Variants in TRDMT1 observed in about 807,000 individuals in gnomAD.
TRDMT1 encodes tRNA aspartic acid methyltransferase 1, also known as tRNA (cytosine(38)-C(5))-methyltransferase.
Under a neutral mutation model 51.2 loss-of-function variants are expected in TRDMT1, and 49 were observed. That is an observed-to-expected ratio of 0.96 (90% CI 0.76 to 1.21). The LOEUF is 1.21. Among genes scored for constraint, TRDMT1 ranks in the 50% most tolerant of loss-of-function variants. TRDMT1 has a pLI of 0.00. For missense variants in TRDMT1, 534 were observed against 462.3 expected, an observed-to-expected ratio of 1.16 and a Z score of -1.42; for synonymous variants, 187 against 164.6, an observed-to-expected ratio of 1.14 and a Z score of -1.04.
chr10:17,181,539 A>G (rs956808755), intron 1 of TRDMT1, among the ~76,000 whole-genome samples: 2 of 151,926 alleles, frequency 1.3e-5, no homozygotes, highest in African/African-American at 2.4e-5. Context: ...CCTAAAATCA[A>G]CTCCAGATTA....
At chr10:17,174,309 T>A (rs1564308744) in intron 2 of TRDMT1, among the ~76,000 whole-genome samples, 1 of 152,204 alleles carries the variant, frequency 6.6e-6, no homozygotes, top group Non-Finnish European at 1.5e-5. Context: ...GTCAAGCATA[T>A]CCTTACATTT....
At chr10:17,176,216 G>A (rs564825467) in intron 1 of TRDMT1, among the ~76,000 whole-genome samples, 1 of 152,194 alleles carries the variant, frequency 6.6e-6, no homozygotes, top group African/African-American at 2.4e-5. Flanking sequence ...AAACTTCATT[G>A]TACTATTTTA....
chr10:17,141,819 T>C lies in TRDMT1; in HGVS notation c.*7221A>G, dbSNP rs1354347619. 6.6e-6 allele frequency among the ~76,000 whole-genome samples: 1 copy of C among 152,244 alleles called. No homozygotes were observed. Among genetic ancestry groups the C allele is most frequent in the South Asian group, 2.1e-4 (1 of 4,830 alleles). Reference sequence around the variant, plus strand: ...CATTCACTTTGAAATATCTGCCACTTTGAAAGAAATTCATGCCAAGACACA... The same window carrying C: ...CATTCACTTTGAAATATCTGCCACTCTGAAAGAAATTCATGCCAAGACACA... On this transcript the variant is annotated 3_prime_UTR_variant, in exon 11 of 11. Coordinates refer to ENST00000377799, the MANE Select transcript of TRDMT1 (RefSeq NM_004412.7).
Position 17,148,410 on chromosome 10 carries a change from G to A in TRDMT1, c.*630C>T, listed in dbSNP as rs1180472657. ...AAAAATGAGTTTTGTCCTTCAGATA[G>A]AGGCTGAGGAAAATGTAGATAATGT... On this transcript the variant is annotated 3_prime_UTR_variant, in exon 11 of 11. Coordinates refer to ENST00000377799, the MANE Select transcript of TRDMT1 (RefSeq NM_004412.7). 2.0e-6 allele frequency: 2 copies of A among 985,306 alleles called. No homozygotes were observed. Among genetic ancestry groups the A allele is most frequent in the South Asian group, 4.7e-5 (1 of 21,296 alleles). The allele number at this position is 985,306 out of a possible 1,614,324, so 61.0% of individuals were successfully genotyped here.
At chr10:17,153,667 A>T in intron 9 of TRDMT1, 31 bp from the exon 10 acceptor site, 1 of 1,537,204 alleles carries the variant, frequency 6.5e-7, no homozygotes, top group Non-Finnish European at 8.7e-7. Flanking sequence ...TAACTAAAAA[A>T]GTAATGTGCA....
chr10:17,200,565 T>G (rs974395609), intron 1 of TRDMT1: 1 of 167,366 alleles, frequency 6.0e-6, no homozygotes, highest in Non-Finnish European at 1.5e-5. Flanking sequence ...GCAGGGAAGT[T>G]TCAGTTCGGT....
intron 8 of TRDMT1, among the ~76,000 whole-genome samples, chr10:17,156,097 G>A (rs1839457434): frequency 6.6e-6 from 1 of 151,916 alleles, no homozygotes; most frequent in Admixed American, 6.6e-5. Context: ...GTTCTACTGG[G>A]GTACAGTGTA....
intron 1 of TRDMT1, among the ~76,000 whole-genome samples, chr10:17,183,712 T>G (rs1034067328): frequency 6.6e-6 from 1 of 152,172 alleles, no homozygotes; most frequent in South Asian, 2.1e-4. Flanking sequence ...CCACCGCACC[T>G]GGCAAGAATG....
chr10:17,150,727 G>A, intron 10 of TRDMT1: 1 of 985,086 alleles, frequency 1.0e-6, no homozygotes, highest in Non-Finnish European at 1.2e-6. Flanking sequence ...TTGCTTCATT[G>A]ACACTTGACA....
At position 17,145,000 on chromosome 10, in the gene TRDMT1, G is replaced by A; in HGVS notation, c.*4040C>T. ...TGGTGGCTCATGCCTGTAAAACCCA[G>A]CACTTAGGGAAGCCAAGGTGGGTGG... On this transcript the variant is annotated 3_prime_UTR_variant, in exon 11 of 11. Transcript: ENST00000377799. 4 of 984,244 alleles carry A rather than the reference G, an allele frequency of 4.1e-6. No individual in the cohort carries two copies. Among genetic ancestry groups the A allele is most frequent in the Non-Finnish European group, 4.8e-6 (4 of 828,940 alleles). 61.0% of individuals were successfully genotyped at this position (984,244 alleles called of 1,614,324 possible). A position where few individuals can be genotyped will look rare whatever the true frequency, so the allele number is the denominator to read the frequency against.
At position 17,145,554 on chromosome 10, in the gene TRDMT1, G is replaced by C. The variant is rs1838032820; in HGVS notation, c.*3486C>G. 1 of 985,450 alleles carries C rather than the reference G, an allele frequency of 1.0e-6. No individual in the cohort carries two copies. Among genetic ancestry groups the C allele is most frequent in the Non-Finnish European group, 1.2e-6 (1 of 829,942 alleles). 61.0% of individuals were successfully genotyped at this position (985,450 alleles called of 1,614,324 possible). A position where few individuals can be genotyped will look rare whatever the true frequency, so the allele number is the denominator to read the frequency against. ...AAAGTCCAAAGCTATTAGTAAGTCA[G>C]TGTCATAACTGGTGGCCTAAAACAG... is the stretch of plus-strand genomic sequence containing the variant. On this transcript the variant is annotated 3_prime_UTR_variant, in exon 11 of 11. Coordinates refer to ENST00000377799, the MANE Select transcript of TRDMT1 (RefSeq NM_004412.7).
intron 6 of TRDMT1, 112 bp downstream of exon 6, chr10:17,160,193 A>C (rs1017717509): frequency 1.7e-6 from 1 of 605,324 alleles, no homozygotes; most frequent in South Asian, 3.9e-5. Context: ...TTTTCAGTTT[A>C]CCTATAATAT....
At chr10:17,157,849 G>T in intron 7 of TRDMT1, 65 bp from the exon 8 acceptor site, 2 of 1,278,628 alleles carry the variant, frequency 1.6e-6, no homozygotes, top group Non-Finnish European at 2.1e-6. Context: ...AATTAACAAT[G>T]TCCAGTCAAC....
chr10:17,181,812 T>C (rs563128406), intron 1 of TRDMT1, among the ~76,000 whole-genome samples: 2 of 152,340 alleles, frequency 1.3e-5, no homozygotes, highest in Admixed American at 6.5e-5. Flanking sequence ...ACCTATCATG[T>C]ACTGAGCACT....
At chr10:17,163,917 A>G (rs1840785458) in intron 3 of TRDMT1, among the ~76,000 whole-genome samples, 1 of 152,238 alleles carries the variant, frequency 6.6e-6, no homozygotes, top group Admixed American at 6.5e-5. Context: ...AGACAGATTC[A>G]CAGCCAAATT....
At position 17,157,595 on chromosome 10, in the gene TRDMT1, C is replaced by A; in HGVS notation, c.733G>T (p.Asp245Tyr). 6.2e-7 allele frequency: 1 copy of A among 1,613,992 alleles called. No individual in the cohort carries two copies. Among genetic ancestry groups the A allele is most frequent in the Non-Finnish European group, 8.5e-7 (1 of 1,179,924 alleles). ...AEEIHRKNQQ[D>Y]SDLSVKMLKD... ...AGCATTTTCACAGAGAGATCACTAT[C>A]TTGTTGATTTTTCCTGTGAATTTCT... The change falls in exon 8 of 11, where the codon GAT becomes TAT. Residue 245 changes from aspartate (D) to tyrosine (Y), a missense_variant. Asp to Tyr is a radical substitution (Grantham distance 160). Transcript: ENST00000377799.
At position 17,145,474 on chromosome 10, in the gene TRDMT1, T is replaced by C. The variant is rs1202685467; in HGVS notation, c.*3566A>G. The C allele has an allele frequency of 2.0e-6, 2 of 985,256 alleles. No homozygotes were observed. The highest frequency in any genetic ancestry group is 1.2e-6 in the Non-Finnish European group (1 of 829,926). The allele number at this position is 985,256 out of a possible 1,614,324, so 61.0% of individuals were successfully genotyped here. A position where few individuals can be genotyped will look rare whatever the true frequency, so the allele number is the denominator to read the frequency against. ...GTCTTTAAAAATTATATAATCTCAA[T>C]GCAATCACAGGCTACAAGAAAACTG... On this transcript the variant is annotated 3_prime_UTR_variant, in exon 11 of 11. Coordinates refer to ENST00000377799, the MANE Select transcript of TRDMT1 (RefSeq NM_004412.7).
At chr10:17,184,778 C>A (rs562397446) in intron 1 of TRDMT1, among the ~76,000 whole-genome samples, 102 of 152,290 alleles carry the variant, frequency 6.7e-4, no homozygotes, top group African/African-American at 1.9e-3. Flanking sequence ...TCATTCTCTA[C>A]AAATCTTTTT....
chr10:17,157,834 A>C (rs1348356139), intron 7 of TRDMT1, 50 bp from the exon 8 acceptor site: 1 of 1,369,524 alleles, frequency 7.3e-7, no homozygotes, highest in African/African-American at 1.4e-5. Flanking sequence ...ATTAAAAATA[A>C]GAGAAATTAA....
Sources: gnomAD v4.1 joint callset for allele counts (sites outside exome capture counted in the v4.1 genomes callset) on GRCh38, gnomAD v4.1.1 for gene constraint, MANE v1.5 for transcripts, NCBI Gene and HGNC (gene_info 2026-07-23, HGNC 2026-07-21) for gene names.